The following EHBP1 variants were observed in gnomAD, a reference collection of about 807,000 sequenced individuals.
EHBP1 encodes the protein EH domain-binding protein 1.
EHBP1 carries 55 observed loss-of-function variants against 144.0 expected under a neutral mutation model. The ratio of observed to expected loss-of-function variants is 0.38; its 90% CI spans 0.31 to 0.48. The LOEUF is 0.48. Ranked by LOEUF, EHBP1 falls within the 20% of genes least tolerant of loss-of-function variation. The pLI is 0.98. For synonymous variants in EHBP1, 469 were observed against 472.7 expected (o/e 0.99, Z 0.10); for missense variants, 1,200 against 1,364.2 (o/e 0.88, Z 1.90).
intron 5 of EHBP1, among the ~76,000 whole-genome samples, chr2:62,797,890 G>A (rs2043658826): frequency 6.6e-6 from 1 of 152,128 alleles, no homozygotes; most frequent in East Asian, 1.9e-4. Flanking sequence ...TGTCAATGCA[G>A]ATCAAATAAA....
At chr2:62,992,211 C>T (rs923125811) in intron 16 of EHBP1, among the ~76,000 whole-genome samples, 8 of 151,994 alleles carry the variant, frequency 5.3e-5, no homozygotes, top group Non-Finnish European at 1.2e-4. Context: ...TTGGTAAAGA[C>T]TTGAGTATTA....
chr2:62,980,261 A>G (rs998658592), intron 15 of EHBP1, among the ~76,000 whole-genome samples: 2 of 152,190 alleles, frequency 1.3e-5, no homozygotes, highest in Non-Finnish European at 2.9e-5. Flanking sequence ...TTAGATTCTC[A>G]TAAGGAGCAT....
intron 2 of EHBP1, among the ~76,000 whole-genome samples, chr2:62,717,621 AT>A (rs2035810490): frequency 6.6e-6 from 1 of 151,686 alleles, no homozygotes; most frequent in South Asian, 2.1e-4. Context: ...GTACCTGCTG[AT>A]TTTCTTTAGT....
intron 10 of EHBP1, among the ~76,000 whole-genome samples, chr2:62,918,198 A>G (rs1026918065): frequency 5.9e-5 from 9 of 151,824 alleles, no homozygotes; most frequent in East Asian, 3.9e-4. Flanking sequence ...CTCCCGGCCT[A>G]TTGTGTTTTT....
intron 7 of EHBP1, among the ~76,000 whole-genome samples, chr2:62,847,558 G>A (rs180921422): frequency 1.3e-5 from 2 of 152,272 alleles, no homozygotes; most frequent in East Asian, 3.9e-4. Flanking sequence ...TAAAAAGCTA[G>A]GCATAGTGGC....
intron 1 of EHBP1, among the ~76,000 whole-genome samples, chr2:62,676,150 A>G (rs1046798061): frequency 2.7e-4 from 23 of 85,158 alleles, no homozygotes; most frequent in African/African-American, 1.3e-3. Flanking sequence ...TCCTTAATTA[A>G]GCAGGCCAAA....
chr2:62,843,776 C>T (rs2048095105), intron 7 of EHBP1, among the ~76,000 whole-genome samples: 1 of 151,958 alleles, frequency 6.6e-6, no homozygotes, highest in South Asian at 2.1e-4. Context: ...AAATTTAATG[C>T]ATTAATGTTA....
intron 10 of EHBP1, among the ~76,000 whole-genome samples, chr2:62,901,163 TGTGA>T (rs1276087110): frequency 1.3e-5 from 2 of 152,188 alleles, no homozygotes; most frequent in Admixed American, 1.3e-4. Context: ...ACATAAGATG[TGTGA>T]GTAAGTGTTC....
At chr2:62,923,134 A>G (rs1173639088) in intron 10 of EHBP1, among the ~76,000 whole-genome samples, 3 of 152,176 alleles carry the variant, frequency 2.0e-5, no homozygotes, top group East Asian at 3.9e-4. Flanking sequence ...CACCTGTCTA[A>G]CACTGGGGCT....
chr2:62,728,252 A>T (rs360801), intron 2 of EHBP1, among the ~76,000 whole-genome samples: 1 of 152,016 alleles, frequency 6.6e-6, no homozygotes, highest in Non-Finnish European at 1.5e-5. Flanking sequence ...TTCCTATTCT[A>T]TCTCAGGTAC....
At position 62,698,008 on chromosome 2, in the gene EHBP1, T is replaced by C. The variant is rs117271826; in HGVS notation, c.-295-8889T>C. On this transcript the variant is annotated intron_variant, in intron 1 of 22. Coordinates refer to the EHBP1 transcript ENST00000405015. Reference sequence around the variant, plus strand: ...GAGAGAAGTACTCAACAAGTTGGTCTTTTTATCACTGACAAGTCACTGCAG... The same window carrying C: ...GAGAGAAGTACTCAACAAGTTGGTCCTTTTATCACTGACAAGTCACTGCAG... 7.8e-4 allele frequency among the ~76,000 whole-genome samples: 119 copies of C among 152,336 alleles called. 1 individual carries two copies. The East Asian group carries it at 0.021, about 27-fold the overall frequency.
At chr2:63,019,637 G>A (rs946171112) in intron 19 of EHBP1, among the ~76,000 whole-genome samples, 1 of 151,700 alleles carries the variant, frequency 6.6e-6, no homozygotes, top group African/African-American at 2.4e-5. Context: ...AACCCAGAAG[G>A]TGGAGGTTGC....
At chr2:62,727,342 T>C (rs989410878) in intron 2 of EHBP1, among the ~76,000 whole-genome samples, 1 of 152,070 alleles carries the variant, frequency 6.6e-6, no homozygotes, top group Non-Finnish European at 1.5e-5. Context: ...TACTAAACAG[T>C]TTGCCCTTTT....
chr2:63,045,651 C>T lies in EHBP1; in HGVS notation c.*151C>T. ...CTACTTTACCACCACCACCCTTTTC[C>T]TCCCTCCTTTCCAAATAATATACAG... On this transcript the variant is annotated 3_prime_UTR_variant, in exon 23 of 23. Coordinates refer to ENST00000431489, the MANE Select transcript of EHBP1 (RefSeq NM_001142616.3). This position sits in a 1 kb window ranked among gnomAD's most constrained non-coding sequence, Gnocchi z 5.7. The T allele has an allele frequency of 1.6e-6, 1 of 620,108 alleles. No homozygotes were observed. The highest frequency in any genetic ancestry group is 2.8e-6 in the Non-Finnish European group (1 of 353,890). The allele number at this position is 620,108 out of a possible 1,614,324, so 38.4% of individuals were successfully genotyped here.
intron 9 of EHBP1, among the ~76,000 whole-genome samples, chr2:62,871,414 C>G (rs1269445073): frequency 6.6e-6 from 1 of 152,128 alleles, no homozygotes; most frequent in Non-Finnish European, 1.5e-5. Flanking sequence ...TCTGGGGTTA[C>G]CAGAGGGAGC....
chr2:62,981,223 A>G (rs1245824229), intron 15 of EHBP1, among the ~76,000 whole-genome samples: 2 of 152,174 alleles, frequency 1.3e-5, no homozygotes, highest in South Asian at 2.1e-4. Flanking sequence ...GTGTAATACT[A>G]TGACAATTTG....
rs548907699 is a variant in EHBP1, at chr2:62,771,424, C to T, written c.312+32C>T. 5.9e-6 allele frequency: 9 copies of T among 1,536,318 alleles called. No homozygotes were observed. In the South Asian group the frequency reaches 1.0e-4, roughly 17 times the overall value. On this transcript the variant is annotated intron_variant, in intron 5 of 22. Coordinates refer to ENST00000431489, the MANE Select transcript of EHBP1 (RefSeq NM_001142616.3). ...TAATGGCAAATTCCTTCACCTTTCA[C>T]ATTTTCAACTTTATATATGCATTAT...
chr2:62,804,061 C>T (rs2044254968), intron 5 of EHBP1, among the ~76,000 whole-genome samples: 1 of 152,114 alleles, frequency 6.6e-6, no homozygotes, highest in South Asian at 2.1e-4. Flanking sequence ...TAAAAAGTAG[C>T]TTCTATTGTT....
chr2:62,830,153 G>GACAC (rs368948717), intron 6 of EHBP1, among the ~76,000 whole-genome samples: 13,958 of 131,862 alleles, frequency 0.11, 785 homozygotes, highest in South Asian at 0.17. Context: ...TATATATATA[G>GACAC]ACACACACAC....
Sources: allele counts gnomAD v4.1 joint callset (sites outside exome capture counted in the v4.1 genomes callset), GRCh38; gene constraint gnomAD v4.1.1; non-coding constraint Gnocchi (gnomAD v3.1); transcripts MANE v1.5; gene names NCBI Gene and HGNC (gene_info 2026-07-23, HGNC 2026-07-21).